SCMH1: variants seen among roughly 807,000 people sequenced by gnomAD.
SCMH1 encodes polycomb protein SCMH1.
In SCMH1, 37 loss-of-function variants were observed where a neutral mutation model predicts 70.8. The observed-to-expected ratio is 0.52, with a 90% CI of 0.40 to 0.69. The LOEUF (loss-of-function observed/expected upper bound fraction) is 0.69, where lower values mean the gene tolerates loss of function less well. SCMH1 is among the 30% of genes least tolerant of loss of function. SCMH1 has a pLI of 0.00. For missense variants in SCMH1, 607 were observed against 827.3 expected, an observed-to-expected ratio of 0.73 and a Z score of 3.27; for synonymous variants, 292 against 307.4, an observed-to-expected ratio of 0.95 and a Z score of 0.52.
At chr1:41,055,433 T>C (rs1192319105) in intron 10 of SCMH1, among the ~76,000 whole-genome samples, 1 of 152,170 alleles carries the variant, frequency 6.6e-6, no homozygotes, top group Non-Finnish European at 1.5e-5. Context: ...CACTGCAAGC[T>C]CTGCCTCCTG....
chr1:41,032,837 G>A (rs1482225235), intron 13 of SCMH1, among the ~76,000 whole-genome samples: 1 of 152,066 alleles, frequency 6.6e-6, no homozygotes, highest in Non-Finnish European at 1.5e-5. Context: ...AAATTAGCAG[G>A]GCGTAGTGGC....
chr1:41,046,351 G>A lies in SCMH1; in HGVS notation c.1498+56C>T. The A allele has an allele frequency of 4.7e-6, 7 of 1,503,108 alleles. No homozygotes were observed. In the South Asian group the frequency reaches 8.2e-5, roughly 18 times the overall value. 93.1% of individuals were successfully genotyped at this position (1,503,108 alleles called of 1,614,324 possible). A position where few individuals can be genotyped will look rare whatever the true frequency, so the allele number is the denominator to read the frequency against. ...GAAGGCTGACCCTGGGCCCCTGCAG[G>A]TGCTGCTGCTAGCCCTGTCCCCCAC... On this transcript the variant is annotated intron_variant, in intron 12 of 14. Coordinates refer to ENST00000337495, the Ensembl canonical transcript of SCMH1.
intron 8 of SCMH1, among the ~76,000 whole-genome samples, chr1:41,088,008 C>G (rs1662259830): frequency 7.2e-6 from 1 of 139,684 alleles, no homozygotes. Flanking sequence ...TTGTAAAATA[C>G]CAGAAACTAT....
At chr1:41,079,755 C>T (rs891718482) in intron 8 of SCMH1, among the ~76,000 whole-genome samples, 2 of 152,078 alleles carry the variant, frequency 1.3e-5, no homozygotes, top group Admixed American at 6.6e-5. Context: ...TCAAGAGGAT[C>T]GCTTGAGCCC....
At position 41,028,584 on chromosome 1, in the gene SCMH1, G is replaced by T. The variant is rs200250307; in HGVS notation, c.1821C>A (p.His607Gln). 2.4e-5 allele frequency: 38 copies of T among 1,614,128 alleles called. No homozygotes were observed. In the South Asian group the frequency reaches 4.2e-4, roughly 18 times the overall value. Reference sequence around the variant, plus strand: ...TGAGAGGTCAGGCAGCAGCACCTACGTGTTTGCGAAACAGGTCAGCGTGGG... The same window carrying T: ...TGAGAGGTCAGGCAGCAGCACCTACTTGTTTGCGAAACAGGTCAGCGTGGG... The change falls in exon 14 of 15, where the codon CAC becomes CAA. Residue 607 changes from histidine (H) to glutamine (Q), a missense_variant and splice_region_variant. By Grantham distance (24) the His-to-Gln change is conservative (BLOSUM62 0). Transcript: ENST00000337495.
chr1:41,115,813 T>A (rs1255389400), intron 7 of SCMH1, among the ~76,000 whole-genome samples: 2 of 152,210 alleles, frequency 1.3e-5, no homozygotes, highest in Non-Finnish European at 1.5e-5. Context: ...AATTAAAAAA[T>A]TTGTTTTCCA....
intron 8 of SCMH1, chr1:41,098,974 C>A: frequency 7.6e-6 from 2 of 262,264 alleles, no homozygotes; most frequent in South Asian, 5.8e-5. Flanking sequence ...TTGTGGATGT[C>A]AAAATCAACA....
At chr1:41,128,659 G>A (rs191964915) in intron 6 of SCMH1, among the ~76,000 whole-genome samples, 66 of 151,902 alleles carry the variant, frequency 4.3e-4, no homozygotes, top group Non-Finnish European at 8.8e-4. Context: ...CTCCTGCTTG[G>A]GGTTCATTGA....
intron 13 of SCMH1, among the ~76,000 whole-genome samples, chr1:41,030,900 A>G: frequency 6.6e-6 from 1 of 152,206 alleles, no homozygotes; most frequent in East Asian, 1.9e-4. Context: ...CAACCAGACT[A>G]TGTCTCTATT....
intron 6 of SCMH1, among the ~76,000 whole-genome samples, chr1:41,134,999 A>G (rs951300043): frequency 1.3e-5 from 2 of 152,052 alleles, no homozygotes; most frequent in African/African-American, 4.8e-5. Context: ...TGATTTTTCT[A>G]AAGTTAAATA....
At chr1:41,052,221 G>T (rs1320327225) in intron 10 of SCMH1, among the ~76,000 whole-genome samples, 1 of 152,200 alleles carries the variant, frequency 6.6e-6, no homozygotes, top group Non-Finnish European at 1.5e-5. Context: ...CAATACGGGG[G>T]TCTACAGCCT....
intron 13 of SCMH1, among the ~76,000 whole-genome samples, chr1:41,030,417 C>T (rs1259965091): frequency 1.3e-5 from 2 of 152,170 alleles, no homozygotes; most frequent in African/African-American, 4.8e-5. Context: ...GCAACTTACC[C>T]CTTACTCGCC....
rs578261525 is a variant in SCMH1 at position 41,111,388 on chromosome 1, G to A, written c.745+1895C>T. Among the ~76,000 whole-genome samples, 6 of 152,328 alleles carry A rather than the reference G, an allele frequency of 3.9e-5. No individual in the cohort carries two copies. The South Asian group carries it at 1.2e-3, about 32-fold the overall frequency. On this transcript the variant is annotated intron_variant, in intron 8 of 14. Transcript: ENST00000337495. Reference sequence around the variant, plus strand: ...AGAGTCTCGCTCTGTCGCCCAGGCTGCAGTGTATTGGTGCGATCTTGGCTC... The same window carrying A: ...AGAGTCTCGCTCTGTCGCCCAGGCTACAGTGTATTGGTGCGATCTTGGCTC...
intron 5 of SCMH1, among the ~76,000 whole-genome samples, chr1:41,149,706 G>A (rs1463877193): frequency 6.6e-6 from 1 of 152,152 alleles, no homozygotes; most frequent in Non-Finnish European, 1.5e-5. Context: ...CAATACTCAG[G>A]CTAAGGTTAA....
chr1:41,066,216 C>A (rs1416602557), intron 10 of SCMH1, among the ~76,000 whole-genome samples: 1 of 152,202 alleles, frequency 6.6e-6, no homozygotes, highest in African/African-American at 2.4e-5. Flanking sequence ...GCAAGCTCCT[C>A]CCCTGGAATA....
At chr1:41,221,448 T>C (rs1454699065) in intron 1 of SCMH1, among the ~76,000 whole-genome samples, 2 of 149,794 alleles carry the variant, frequency 1.3e-5, no homozygotes, top group African/African-American at 4.9e-5. Context: ...GGCCCAGGAG[T>C]TCAAGACTAG....
chr1:41,045,196 T>G (rs1056650290), intron 12 of SCMH1, among the ~76,000 whole-genome samples: 3 of 152,174 alleles, frequency 2.0e-5, no homozygotes, highest in Admixed American at 6.5e-5. Flanking sequence ...GAATGCCTTT[T>G]TCTTTTCTCA....
intron 2 of SCMH1, among the ~76,000 whole-genome samples, chr1:41,181,589 C>T (rs1345823723): frequency 1.3e-5 from 2 of 152,158 alleles, no homozygotes; most frequent in African/African-American, 2.4e-5. Context: ...CCAACAGACA[C>T]ATGAAGAAAT....
intron 2 of SCMH1, among the ~76,000 whole-genome samples, chr1:41,181,535 C>A (rs945532213): frequency 6.6e-6 from 1 of 151,928 alleles, no homozygotes; most frequent in Non-Finnish European, 1.5e-5. Context: ...AAAAGTGGGC[C>A]AAGGATATGA....
Sources: gnomAD v4.1 joint callset for allele counts (sites outside exome capture counted in the v4.1 genomes callset) on GRCh38, gnomAD v4.1.1 for gene constraint, MANE v1.5 for transcripts, NCBI Gene and HGNC (gene_info 2026-07-23, HGNC 2026-07-21) for gene names.